SLC25A20: variants seen among roughly 807,000 people sequenced by gnomAD.
The protein encoded by SLC25A20 is mitochondrial carnitine/acylcarnitine carrier protein.
SLC25A20 carries 29 observed loss-of-function variants against 39.7 expected under a neutral mutation model. The ratio of observed to expected loss-of-function variants is 0.73; its 90% confidence interval spans 0.54 to 1.00. SLC25A20 has a LOEUF of 1.00. Among genes scored for constraint, SLC25A20 ranks in the 50% least tolerant of loss-of-function variants. The pLI is 0.00. For missense variants in SLC25A20, 333 were observed against 379.9 expected (o/e 0.88, Z 1.03); for synonymous variants, 103 against 142.2 (o/e 0.72, Z 1.96).
intron 4 of SLC25A20, among the ~76,000 whole-genome samples, chr3:48,864,415 AT>A (rs2083650734): frequency 6.6e-6 from 1 of 151,602 alleles, no homozygotes; most frequent in African/African-American, 2.4e-5. Context: ...CTTTGTATAA[AT>A]AAAACTCTAA....
At chr3:48,882,936 C>G (rs542243285) in intron 3 of SLC25A20, among the ~76,000 whole-genome samples, 1 of 151,724 alleles carries the variant, frequency 6.6e-6, no homozygotes, top group Admixed American at 6.6e-5. Flanking sequence ...GCCTGTAATC[C>G]CAGCACTTTG....
chr3:48,882,276 TA>T (rs1222946835), intron 3 of SLC25A20, among the ~76,000 whole-genome samples: 2 of 152,254 alleles, frequency 1.3e-5, no homozygotes, highest in Non-Finnish European at 2.9e-5. Flanking sequence ...TCCAACTTCT[TA>T]AAGTTTATTA....
chr3:48,859,026 C>A, intron 7 of SLC25A20, 66 bp downstream of exon 7: 1 of 1,293,504 alleles, frequency 7.7e-7, no homozygotes, highest in Non-Finnish European at 1.1e-6. Flanking sequence ...ATGAGCTTTG[C>A]ACCCCAGGAT....
At chr3:48,870,499 A>T (rs935580174) in intron 4 of SLC25A20, among the ~76,000 whole-genome samples, 5 of 152,154 alleles carry the variant, frequency 3.3e-5, no homozygotes, top group African/African-American at 9.6e-5. Flanking sequence ...CTTAGGTGTA[A>T]ATGTAAGAAA....
chr3:48,887,891 A>G (rs1217485370), intron 2 of SLC25A20, among the ~76,000 whole-genome samples: 1 of 151,310 alleles, frequency 6.6e-6, no homozygotes, highest in Non-Finnish European at 1.5e-5. Context: ...TGACAGAATG[A>G]GACTCCATAA....
chr3:48,889,013 G>C (rs1322282572), intron 2 of SLC25A20, among the ~76,000 whole-genome samples: 4 of 151,788 alleles, frequency 2.6e-5, no homozygotes, highest in Non-Finnish European at 5.9e-5. Flanking sequence ...GAACCAAGGA[G>C]ATGGTTCAAG....
chr3:48,879,497 A>G, intron 3 of SLC25A20, 49 bp from the exon 4 acceptor site: 1 of 1,253,678 alleles, frequency 8.0e-7, no homozygotes, highest in Non-Finnish European at 1.2e-6. Flanking sequence ...CTAACCACCG[A>G]GGACAGAGGC....
In SLC25A20 at chr3:48,892,048, T is replaced by C; in HGVS notation, c.130A>G (p.Ser44Gly). The C allele has an allele frequency of 1.2e-6, 2 of 1,614,030 alleles. No individual in the cohort carries two copies. The highest frequency in any genetic ancestry group is 1.7e-6 in the Non-Finnish European group (2 of 1,179,970). ...TACATGGGAGGTTGTCCAGGCAAAC[T>C]CGGTGGCTGTGTCTGCAGTCGGACC... ...VKVRLQTQPP[S>G]LPGQPPMYSG... is the part of the protein sequence containing the mutation. The change falls in exon 2 of 9, where the codon AGT (serine) becomes GGT (glycine). Residue 44 changes from serine (S) to glycine (G), a missense_variant. By Grantham distance (56) the Ser-to-Gly change is moderately conservative (BLOSUM62 0). Transcript: ENST00000319017.
At position 48,891,896 on chromosome 3, in the gene SLC25A20, A is replaced by T. The variant is rs2083880398; in HGVS notation, c.198+84T>A. The T allele has an allele frequency of 2.7e-6, 3 of 1,108,182 alleles. No individual in the cohort carries two copies. The East Asian group carries it at 7.1e-5, about 26-fold the overall frequency. The allele number at this position is 1,108,182 out of a possible 1,614,324, so 68.6% of individuals were successfully genotyped here. On this transcript the variant is annotated intron_variant, in intron 2 of 8. Coordinates refer to ENST00000319017, the MANE Select transcript of SLC25A20 (RefSeq NM_000387.6). The stretch of plus-strand genomic sequence containing the variant: ...AGCTAGCTGTCCAGCAGAACCACAC[A>T]GTTAACCTACTCTCCTTGGGGGTAA...
chr3:48,887,877 T>G (rs958129243), intron 2 of SLC25A20, among the ~76,000 whole-genome samples: 3 of 150,888 alleles, frequency 2.0e-5, no homozygotes, highest in Non-Finnish European at 4.4e-5. Flanking sequence ...CACTCCAACC[T>G]GGGTGACAGA....
intron 5 of SLC25A20, 135 bp downstream of exon 5, chr3:48,862,407 C>T (rs2083634956): frequency 2.7e-6 from 2 of 733,880 alleles, no homozygotes; most frequent in Non-Finnish European, 5.1e-6. Context: ...GGGGGAGATG[C>T]TTACTGCCAG....
intron 4 of SLC25A20, among the ~76,000 whole-genome samples, chr3:48,867,234 G>A (rs1038064728): frequency 4.0e-5 from 6 of 151,482 alleles, no homozygotes; most frequent in Non-Finnish European, 2.9e-5. Context: ...GAGCCACTGT[G>A]CCCAAAGTTT....
chr3:48,897,367 A>ATATTTT (rs1256371148), intron 1 of SLC25A20, among the ~76,000 whole-genome samples: 24 of 83,718 alleles, frequency 2.9e-4, no homozygotes, highest in Non-Finnish European at 4.3e-4. Flanking sequence ...ATATATATAT[A>ATATTTT]TTTTTTTTTT....
intron 2 of SLC25A20, among the ~76,000 whole-genome samples, chr3:48,884,613 G>T (rs1171052051): frequency 6.6e-6 from 1 of 152,248 alleles, no homozygotes. Flanking sequence ...GCCTATTAAA[G>T]TGCTGGGATT....
chr3:48,857,850 G>T, intron 8 of SLC25A20, 78 bp from the exon 9 acceptor site: 1 of 1,327,716 alleles, frequency 7.5e-7, no homozygotes, highest in Non-Finnish European at 1.1e-6. Flanking sequence ...ATGCTTTGCT[G>T]GCCCTGTCAG....
At chr3:48,897,008 T>G (rs1400005221) in intron 1 of SLC25A20, among the ~76,000 whole-genome samples, 1 of 151,762 alleles carries the variant, frequency 6.6e-6, no homozygotes, top group African/African-American at 2.4e-5. Context: ...CTGCAGCTTT[T>G]GCCTTGTCAG....
In SLC25A20 at chr3:48,898,737, C is replaced by T. The variant is rs1339380677; in HGVS notation, c.58G>A (p.Gly20Ser). Residue 20 changes from glycine to serine, a missense_variant, in exon 1 of 9, where the codon GGC becomes AGC. Coordinates refer to ENST00000319017, the MANE Select transcript of SLC25A20 (RefSeq NM_000387.6). ...PLKNLLAGGF[G>S]GVCLVFVGHP... ...CCGACGAACACCAGGCACACGCCGC[C>T]AAAGCCGCCGGCCAGCAGGTTCTTG... 2 of 1,609,094 alleles carry T rather than the reference C, an allele frequency of 1.2e-6. No homozygotes were observed.
chr3:48,894,183 TTC>T (rs375593797), intron 1 of SLC25A20, among the ~76,000 whole-genome samples: 10,647 of 110,158 alleles, frequency 0.097, 530 homozygotes, highest in Middle Eastern at 0.14. Flanking sequence ...AAGAAGAAGA[TTC>T]TCTCTCTCTC....
intron 3 of SLC25A20, among the ~76,000 whole-genome samples, chr3:48,880,475 C>T (rs972057039): frequency 6.2e-4 from 93 of 150,996 alleles, no homozygotes; most frequent in African/African-American, 2.2e-3. Flanking sequence ...CGGAGTTTCA[C>T]TATGTTAGCT....
Sources: allele counts gnomAD v4.1 joint callset (sites outside exome capture counted in the v4.1 genomes callset), GRCh38; gene constraint gnomAD v4.1.1; transcripts MANE v1.5; gene names NCBI Gene and HGNC (gene_info 2026-07-23, HGNC 2026-07-21).